The following RGSL1 variants were observed in gnomAD, a reference collection of about 807,000 sequenced individuals.
RGSL1 encodes regulator of G protein signaling like 1, also known as regulator of G protein signaling protein-like.
Under a neutral mutation model 124.7 loss-of-function variants are expected in RGSL1, and 97 were observed. That is an observed-to-expected ratio of 0.78 (90% CI 0.66 to 0.92). The LOEUF (loss-of-function observed/expected upper bound fraction) is 0.92, where lower values mean the gene tolerates loss of function less well. Among genes scored for constraint, RGSL1 ranks in the 40% least tolerant of loss-of-function variants. The pLI is 0.00. For synonymous variants in RGSL1, 424 were observed against 438.1 expected, an observed-to-expected ratio of 0.97 and a Z score of 0.40; for missense variants, 1,233 against 1,288.4, an observed-to-expected ratio of 0.96 and a Z score of 0.66.
chr1:182,554,004 A>C (rs1660716906), intron 19 of RGSL1, among the ~76,000 whole-genome samples: 2 of 152,134 alleles, frequency 1.3e-5, no homozygotes, highest in South Asian at 4.1e-4. Flanking sequence ...CAAAACCTGC[A>C]GTTCTAACCT....
chr1:182,506,801 T>C (rs1014858193), intron 9 of RGSL1, among the ~76,000 whole-genome samples: 1 of 152,212 alleles, frequency 6.6e-6, no homozygotes, highest in African/African-American at 2.4e-5. Context: ...TCAGGGTACA[T>C]GTGACAATTA....
rs1414384715 is a variant in RGSL1, at chr1:182,474,131, C to G, written c.1020C>G (p.Thr340=). The change falls in exon 6 of 22, where the codon ACC becomes ACG. Residue 340 remains threonine (T), a synonymous_variant. Coordinates refer to ENST00000294854, the MANE Select transcript of RGSL1 (RefSeq NM_001137669.2). ...CCCCCTTTGAGACAAAGGTCTCTACCCACCTGAGGACTGTCATCCCCATTG... is the reference window on the plus strand; with the variant it reads ...CCCCCTTTGAGACAAAGGTCTCTACGCACCTGAGGACTGTCATCCCCATTG... ...MEAPFETKVS[T]HLRTVIPIVN... 18 of 1,551,864 alleles carry G rather than the reference C, an allele frequency of 1.2e-5. No homozygotes were observed. The Admixed American group carries it at 2.5e-4, about 22-fold the overall frequency.
At chr1:182,529,789 C>T (rs534301384) in intron 11 of RGSL1, among the ~76,000 whole-genome samples, 2 of 152,128 alleles carry the variant, frequency 1.3e-5, no homozygotes, top group East Asian at 3.9e-4. Flanking sequence ...CAGATCCTAT[C>T]TTTGATTATT....
At chr1:182,517,393 T>C (rs556792865) in intron 9 of RGSL1, among the ~76,000 whole-genome samples, 60 of 152,034 alleles carry the variant, frequency 3.9e-4, no homozygotes, top group African/African-American at 1.4e-3. Flanking sequence ...CTGACCTTCC[T>C]GTACCTGGAT....
chr1:182,461,993 A>C (rs1271633215), intron 4 of RGSL1, among the ~76,000 whole-genome samples: 1 of 152,216 alleles, frequency 6.6e-6, no homozygotes, highest in Non-Finnish European at 1.5e-5. Flanking sequence ...GATGGAAGAC[A>C]TGAATATAGA....
intron 9 of RGSL1, among the ~76,000 whole-genome samples, chr1:182,501,301 TCTTTTC>T (rs1429816680): frequency 1.7e-4 from 22 of 129,086 alleles, no homozygotes; most frequent in African/African-American, 4.9e-4. Flanking sequence ...TTTTCTTTTT[TCTTTTC>T]TTTTTTTTTT....
At chr1:182,513,177 G>A (rs894242935) in intron 9 of RGSL1, among the ~76,000 whole-genome samples, 1 of 152,166 alleles carries the variant, frequency 6.6e-6, no homozygotes, top group Admixed American at 6.5e-5. Context: ...CTCTGAAGAG[G>A]CACATCTAAC....
At chr1:182,468,639 C>A (rs1653552477) in intron 4 of RGSL1, among the ~76,000 whole-genome samples, 1 of 152,036 alleles carries the variant, frequency 6.6e-6, no homozygotes, top group African/African-American at 2.4e-5. Context: ...GGAGGGATAG[C>A]ATTAGGAGAT....
At chr1:182,474,907 A>G (rs1325631824) in intron 6 of RGSL1, among the ~76,000 whole-genome samples, 7 of 152,202 alleles carry the variant, frequency 4.6e-5, no homozygotes, top group African/African-American at 1.2e-4. Flanking sequence ...CGAATGCCTG[A>G]TTATCTGAGG....
intron 15 of RGSL1, among the ~76,000 whole-genome samples, chr1:182,545,589 T>C (rs1043259426): frequency 6.6e-6 from 1 of 152,226 alleles, no homozygotes; most frequent in Admixed American, 6.5e-5. Flanking sequence ...GTAAGACATG[T>C]CTGTTGGTCA....
At position 182,527,727 on chromosome 1, in the gene RGSL1, A is replaced by G; in HGVS notation, c.2080A>G (p.Ile694Val). Residue 694 changes from isoleucine to valine, a missense_variant, in exon 11 of 22, where the codon ATA becomes GTA. Coordinates refer to ENST00000294854, the MANE Select transcript of RGSL1 (RefSeq NM_001137669.2). ...CAATGAAAAGATTTGCAAGTCTCTCATAGAAAATGTAATCAAGACTTTCTT... is the reference window on the plus strand; with the variant it reads ...CAATGAAAAGATTTGCAAGTCTCTCGTAGAAAATGTAATCAAGACTTTCTT... ...ETNEKICKSL[I>V]ENVIKTFFQG... 2 of 1,551,142 alleles carry G rather than the reference A, an allele frequency of 1.3e-6. No individual in the cohort carries two copies. Among genetic ancestry groups the G allele is most frequent in the Non-Finnish European group, 1.7e-6 (2 of 1,146,700 alleles).
chr1:182,494,557 G>C (rs879578521), intron 9 of RGSL1, among the ~76,000 whole-genome samples: 5 of 151,938 alleles, frequency 3.3e-5, no homozygotes, highest in Non-Finnish European at 5.9e-5. Context: ...TATTTTTATT[G>C]GACAGCACTG....
chr1:182,559,396 A>G lies in RGSL1; in HGVS notation c.*166-883A>G, dbSNP rs138861647. Among the ~76,000 whole-genome samples, 1,089 of 152,292 alleles carry G rather than the reference A, an allele frequency of 7.2e-3. 8 individuals carry two copies. Among genetic ancestry groups the G allele is most frequent in the Middle Eastern group, 0.034 (10 of 294 alleles). On this transcript the variant is annotated intron_variant, in intron 21 of 21. Coordinates refer to ENST00000294854, the MANE Select transcript of RGSL1 (RefSeq NM_001137669.2). ...GCCTCCCCTCCCATATTTTACATGC[A>G]GGAAAGGGAAGTTCTGCCACTCTGC...
At chr1:182,543,695 T>C (rs1660032066) in intron 15 of RGSL1, among the ~76,000 whole-genome samples, 1 of 152,078 alleles carries the variant, frequency 6.6e-6, no homozygotes, top group African/African-American at 2.4e-5. Flanking sequence ...GGAAACTTAT[T>C]ATGGCTTCAA....
rs1348304339 is a variant in RGSL1 at position 182,556,044 on chromosome 1, A to C, written c.3218A>C (p.Lys1073Thr). ...TTCAGACAAAAATTATCCTACATCA[A>C]AAAAGAGAAGTAATCAAGCGAGACC... ...PVQGQKLSYI[K>T]KEK The change falls in exon 21 of 22, where the codon AAA becomes ACA. Residue 1073 changes from lysine to threonine, a missense_variant. Lys to Thr is a moderately conservative substitution (Grantham distance 78, BLOSUM62 -1). Coordinates refer to ENST00000294854, the MANE Select transcript of RGSL1 (RefSeq NM_001137669.2). 6 of 1,551,638 alleles carry C rather than the reference A, an allele frequency of 3.9e-6. No homozygotes were observed. The highest frequency in any genetic ancestry group is 5.2e-6 in the Non-Finnish European group (6 of 1,146,880).
intron 7 of RGSL1, chr1:182,488,747 A>T (rs1655299191): frequency 2.5e-6 from 1 of 404,006 alleles, no homozygotes; most frequent in African/African-American, 2.1e-5. Flanking sequence ...AAAAAAAAAA[A>T]AGATGACTTT....
chr1:182,467,446 C>T (rs539577665), intron 4 of RGSL1, among the ~76,000 whole-genome samples: 113 of 152,124 alleles, frequency 7.4e-4, no homozygotes, highest in African/African-American at 2.7e-3. Flanking sequence ...CAGAACAGAG[C>T]CCTCAGAAAT....
At chr1:182,486,423 A>C (rs951553004) in intron 6 of RGSL1, among the ~76,000 whole-genome samples, 1 of 149,920 alleles carries the variant, frequency 6.7e-6, no homozygotes, top group Admixed American at 6.7e-5. Context: ...TGATTCTTCC[A>C]CCTGAACTCC....
upstream of RGSL1, chr1:182,449,991 G>A (rs940162614): frequency 8.5e-6 from 6 of 705,070 alleles, no homozygotes; most frequent in African/African-American, 7.0e-5. Flanking sequence ...GATTAGGTAA[G>A]ATAAAGACTT....
Sources: allele counts gnomAD v4.1 joint callset (sites outside exome capture counted in the v4.1 genomes callset), GRCh38; gene constraint gnomAD v4.1.1; transcripts MANE v1.5; gene names NCBI Gene and HGNC (gene_info 2026-07-23, HGNC 2026-07-21).